SLC4A4: variants seen among roughly 807,000 people sequenced by gnomAD.
The protein encoded by SLC4A4 is solute carrier family 4 member 4, also known as electrogenic sodium bicarbonate cotransporter 1.
A neutral mutation model predicts 111.5 loss-of-function variants in SLC4A4; 27 were observed. The observed-to-expected ratio is 0.24, with a 90% CI of 0.18 to 0.33. The LOEUF is 0.33. Ranked by LOEUF, SLC4A4 falls within the 10% of genes least tolerant of loss-of-function variation. The probability of loss-of-function intolerance (pLI) is 1.00; values close to 1 mark genes in which losing one functional copy is unlikely to be tolerated. For missense variants in SLC4A4, 909 were observed against 1,315.5 expected (o/e 0.69, Z 4.78); for synonymous variants, 443 against 463.4 (o/e 0.96, Z 0.57).
chr4:71,391,895 A>G (rs1449953221), intron 6 of SLC4A4, among the ~76,000 whole-genome samples: 3 of 151,976 alleles, frequency 2.0e-5, no homozygotes, highest in Non-Finnish European at 4.4e-5. Context: ...GTACACTTGT[A>G]TTTCACCTTT....
Position 71,472,937 on chromosome 4 carries a change from C to T in SLC4A4, c.1870C>T (p.Leu624Phe), listed in dbSNP as rs766052860. The T allele has an allele frequency of 6.2e-7, 1 of 1,612,986 alleles. No individual in the cohort carries two copies. Among genetic ancestry groups the T allele is most frequent in the Non-Finnish European group, 8.5e-7 (1 of 1,179,358 alleles). The change falls in exon 14 of 26, where the codon CTC (leucine) becomes TTC (phenylalanine). Residue 624 changes from leucine to phenylalanine, a missense_variant. Coordinates refer to ENST00000264485, the MANE Select transcript of SLC4A4 (RefSeq NM_001098484.3). ...NSNFKVGYNT[L>F]FSCTCVPPDP... is the part of the protein sequence containing the mutation. Reference sequence around the variant, plus strand: ...CAACTTCAAAGTGGGCTACAACACTCTCTTTTCCTGTACCTGTGTGCCACC... The same window carrying T: ...CAACTTCAAAGTGGGCTACAACACTTTCTTTTCCTGTACCTGTGTGCCACC...
At chr4:71,304,763 C>T (rs1423645181) in intron 3 of SLC4A4, among the ~76,000 whole-genome samples, 2 of 152,192 alleles carry the variant, frequency 1.3e-5, no homozygotes, top group East Asian at 3.9e-4. Context: ...AGGTTTTGAC[C>T]TTTGTATTTT....
At chr4:71,319,205 C>T (rs748829030) in intron 3 of SLC4A4, among the ~76,000 whole-genome samples, 9 of 151,950 alleles carry the variant, frequency 5.9e-5, no homozygotes, top group Non-Finnish European at 1.2e-4. Flanking sequence ...TTCCTTTCAC[C>T]ACATATTCTT....
intron 3 of SLC4A4, among the ~76,000 whole-genome samples, chr4:71,269,576 G>C (rs1293103151): frequency 6.6e-6 from 1 of 152,096 alleles, no homozygotes; most frequent in African/African-American, 2.4e-5. Flanking sequence ...ATTGCATTGC[G>C]TGTCTTTGCC....
At chr4:71,162,479 C>T (rs1744640055) in intron 2 of SLC4A4, among the ~76,000 whole-genome samples, 1 of 152,118 alleles carries the variant, frequency 6.6e-6, no homozygotes, top group South Asian at 2.1e-4. Context: ...TTTTTGTGGT[C>T]TCAGTTCAAG....
chr4:71,238,798 T>C (rs2149040344), intron 2 of SLC4A4, among the ~76,000 whole-genome samples: 1 of 152,336 alleles, frequency 6.6e-6, no homozygotes, highest in South Asian at 2.1e-4. Context: ...CCTCCCCCTT[T>C]TTCACCTTGC....
intron 3 of SLC4A4, among the ~76,000 whole-genome samples, chr4:71,291,443 A>G (rs1415258985): frequency 1.3e-5 from 2 of 152,002 alleles, no homozygotes; most frequent in Non-Finnish European, 2.9e-5. Context: ...TTGTTCATGC[A>G]TGATTTTTTT....
chr4:71,212,069 T>A (rs1435658560), intron 1 of SLC4A4, among the ~76,000 whole-genome samples: 1 of 152,198 alleles, frequency 6.6e-6, no homozygotes, highest in Non-Finnish European at 1.5e-5. Context: ...AGATGCCATC[T>A]AAGAAAATCT....
rs1404402725 is a variant in SLC4A4 at position 71,513,754 on chromosome 4, G to T, written c.2166+16062G>T. 3.9e-5 allele frequency among the ~76,000 whole-genome samples: 6 copies of T among 152,288 alleles called. No homozygotes were observed. The East Asian group carries it at 1.2e-3, about 29-fold the overall frequency. ...CTTGTCCTCATTCAGTATGACATTA[G>T]TGGTGGGTTTGTTGTACAAGGCCTT... On this transcript the variant is annotated intron_variant, in intron 16 of 25. Coordinates refer to ENST00000264485, the MANE Select transcript of SLC4A4 (RefSeq NM_001098484.3).
intron 6 of SLC4A4, among the ~76,000 whole-genome samples, chr4:71,384,273 C>T (rs1348943013): frequency 6.6e-6 from 1 of 152,140 alleles, no homozygotes; most frequent in Non-Finnish European, 1.5e-5. Context: ...AGGTTGTACC[C>T]TACCTCTCTT....
intron 18 of SLC4A4, 69 bp downstream of exon 18, chr4:71,534,457 T>C (rs540587346): frequency 6.7e-7 from 1 of 1,489,322 alleles, no homozygotes; most frequent in African/African-American, 1.4e-5. Flanking sequence ...CACTAATTGA[T>C]TAAAAACCAA....
intron 6 of SLC4A4, among the ~76,000 whole-genome samples, chr4:71,372,125 A>T (rs1158734789): frequency 3.9e-5 from 6 of 152,252 alleles, no homozygotes; most frequent in African/African-American, 1.4e-4. Context: ...TAAAGATTTT[A>T]GCAAGATATT....
chr4:71,437,430 A>T (rs963266770), intron 7 of SLC4A4: 1 of 291,654 alleles, frequency 3.4e-6, no homozygotes, highest in Non-Finnish European at 6.8e-6. Flanking sequence ...TAATTAATTT[A>T]AAAATGATCA....
intron 1 of SLC4A4, among the ~76,000 whole-genome samples, chr4:71,198,980 C>T (rs535175155): frequency 3.7e-4 from 57 of 152,152 alleles, no homozygotes; most frequent in Non-Finnish European, 7.5e-4. Flanking sequence ...AGTATTTATA[C>T]AATTTAAAAG....
At position 71,497,712 on chromosome 4, in the gene SLC4A4, A is replaced by G. The variant is rs1414014341; in HGVS notation, c.2166+20A>G. On this transcript the variant is annotated intron_variant, in intron 16 of 25. Coordinates refer to ENST00000264485, the MANE Select transcript of SLC4A4 (RefSeq NM_001098484.3). ...ACCACAGTAAGTACCTGAACTTTAA[A>G]TGATTTTCATTGGATTTACACTGTA... 2 of 1,586,428 alleles carry G rather than the reference A, an allele frequency of 1.3e-6. No individual in the cohort carries two copies. Among genetic ancestry groups the G allele is most frequent in the South Asian group, 1.1e-5 (1 of 90,460 alleles).
chr4:71,250,312 T>TA (rs1720972065), intron 2 of SLC4A4, among the ~76,000 whole-genome samples: 1 of 152,152 alleles, frequency 6.6e-6, no homozygotes, highest in Non-Finnish European at 1.5e-5. Context: ...AAGAAGTATA[T>TA]AAAATGCTGC....
At chr4:71,213,555 G>A (rs974213507) in intron 1 of SLC4A4, among the ~76,000 whole-genome samples, 2 of 152,142 alleles carry the variant, frequency 1.3e-5, no homozygotes, top group Non-Finnish European at 2.9e-5. Flanking sequence ...TTATGATTGT[G>A]CACCTTGATG....
intron 7 of SLC4A4, among the ~76,000 whole-genome samples, chr4:71,409,621 C>A (rs958432582): frequency 6.6e-6 from 1 of 152,062 alleles, no homozygotes; most frequent in African/African-American, 2.4e-5. Context: ...ATAAAAGTTC[C>A]GAAAATTTGC....
chr4:71,125,517 G>A (rs1273186319), intron 2 of SLC4A4, among the ~76,000 whole-genome samples: 1 of 152,306 alleles, frequency 6.6e-6, no homozygotes, highest in African/African-American at 2.4e-5. Flanking sequence ...CTGAGATCAC[G>A]CCACAGCCCT....
Sources: allele counts gnomAD v4.1 joint callset (sites outside exome capture counted in the v4.1 genomes callset), GRCh38; gene constraint gnomAD v4.1.1; transcripts MANE v1.5; gene names NCBI Gene and HGNC (gene_info 2026-07-23, HGNC 2026-07-21).